Variants in CEP128 observed in about 807,000 individuals in gnomAD.
CEP128 encodes centrosomal protein 128kDa.
A neutral mutation model predicts 156.7 loss-of-function variants in CEP128; 132 were observed. That is an observed-to-expected ratio of 0.84 (90% CI 0.73 to 0.97). CEP128 has a LOEUF of 0.97. CEP128 is among the 50% of genes least tolerant of loss of function. The pLI is 0.00. For missense variants in CEP128, 1,252 were observed against 1,281.9 expected (o/e 0.98, Z 0.36); for synonymous variants, 469 against 448.9 (o/e 1.04, Z -0.57).
At chr14:80,852,218 A>T (rs1886927409) in intron 9 of CEP128, among the ~76,000 whole-genome samples, 1 of 151,994 alleles carries the variant, frequency 6.6e-6, no homozygotes. Flanking sequence ...TGGAAGTTTC[A>T]ACAACTTTCA....
At chr14:80,618,707 G>A (rs1274201637) in intron 19 of CEP128, among the ~76,000 whole-genome samples, 1 of 152,194 alleles carries the variant, frequency 6.6e-6, no homozygotes, top group African/African-American at 2.4e-5. Context: ...AATGAGACAG[G>A]ACACTGGAAC....
intron 19 of CEP128, among the ~76,000 whole-genome samples, chr14:80,638,946 C>T (rs1894301120): frequency 6.6e-6 from 1 of 152,080 alleles, no homozygotes; most frequent in African/African-American, 2.4e-5. Context: ...CTTTTTCTTT[C>T]ATTTGGTTAC....
intron 20 of CEP128, among the ~76,000 whole-genome samples, chr14:80,579,310 A>G (rs1430866771): frequency 6.6e-6 from 1 of 152,060 alleles, no homozygotes; most frequent in Non-Finnish European, 1.5e-5. Flanking sequence ...TCCTAGCCCC[A>G]GACTGGACTA....
intron 19 of CEP128, among the ~76,000 whole-genome samples, chr14:80,688,075 T>A (rs1341121670): frequency 6.6e-6 from 1 of 152,178 alleles, no homozygotes; most frequent in African/African-American, 2.4e-5. Context: ...AGTCTAAATC[T>A]CCCTTAGCTC....
intron 19 of CEP128, among the ~76,000 whole-genome samples, chr14:80,613,363 C>T (rs1338295685): frequency 7.7e-6 from 1 of 129,664 alleles, no homozygotes; most frequent in Non-Finnish European, 1.5e-5. Flanking sequence ...AGTGCAGTGG[C>T]GCGATCTCGG....
At chr14:80,699,763 G>A (rs1897010201) in intron 19 of CEP128, among the ~76,000 whole-genome samples, 1 of 152,038 alleles carries the variant, frequency 6.6e-6, no homozygotes, top group African/African-American at 2.4e-5. Context: ...GAAATTCTGT[G>A]ATTTATCTGG....
intron 23 of CEP128, among the ~76,000 whole-genome samples, chr14:80,520,721 C>T (rs1014020855): frequency 6.6e-6 from 1 of 151,898 alleles, no homozygotes; most frequent in African/African-American, 2.4e-5. Context: ...CAAGCATACT[C>T]AAAAAAATGT....
intron 19 of CEP128, among the ~76,000 whole-genome samples, chr14:80,671,754 CTGAT>C (rs1895850710): frequency 6.6e-6 from 1 of 150,868 alleles, no homozygotes; most frequent in African/African-American, 2.4e-5. Context: ...TGGAGAAAGA[CTGAT>C]TGATTACAGA....
chr14:80,692,567 T>C (rs1896755105), intron 19 of CEP128, among the ~76,000 whole-genome samples: 1 of 152,196 alleles, frequency 6.6e-6, no homozygotes, highest in Admixed American at 6.5e-5. Context: ...GCATGGAATG[T>C]CCTCCATTAT....
chr14:80,720,859 T>A (rs1045850448), intron 19 of CEP128, among the ~76,000 whole-genome samples: 10 of 152,322 alleles, frequency 6.6e-5, no homozygotes, highest in Admixed American at 5.2e-4. Context: ...AAATCTGAAC[T>A]ACGAATTTAA....
At position 80,806,314 on chromosome 14, in the gene CEP128, C is replaced by T. The variant is rs1343903209; in HGVS notation, c.1210-13204G>A. Among the ~76,000 whole-genome samples, 52 of 152,100 alleles carry T rather than the reference C, an allele frequency of 3.4e-4. 1 individual carries two copies. Among genetic ancestry groups the T allele is most frequent in the Non-Finnish European group, 1.2e-4 (8 of 68,000 alleles). On this transcript the variant is annotated intron_variant, in intron 13 of 24. Coordinates refer to ENST00000555265, the MANE Select transcript of CEP128 (RefSeq NM_152446.5). ...AAAATCATGTTCTATTAATTAAATACACTCATCTCTTTGGGAAGAAATAAA... is the reference window on the plus strand; with the variant it reads ...AAAATCATGTTCTATTAATTAAATATACTCATCTCTTTGGGAAGAAATAAA...
intron 2 of CEP128, among the ~76,000 whole-genome samples, chr14:80,925,541 T>C (rs1200696855): frequency 6.6e-6 from 1 of 152,208 alleles, no homozygotes; most frequent in Admixed American, 6.5e-5. Flanking sequence ...CCTTTGTAGC[T>C]AGTGTGATGT....
At chr14:80,693,782 A>G (rs374340842) in intron 19 of CEP128, among the ~76,000 whole-genome samples, 2 of 152,328 alleles carry the variant, frequency 1.3e-5, no homozygotes, top group African/African-American at 4.8e-5. Flanking sequence ...GTTGTCTCTT[A>G]GCTAGATCAC....
At chr14:80,823,830 G>T (rs1272940437) in intron 13 of CEP128, among the ~76,000 whole-genome samples, 3 of 152,212 alleles carry the variant, frequency 2.0e-5, no homozygotes, top group Non-Finnish European at 2.9e-5. Context: ...GCTGGGATCT[G>T]GAGGAAGTGG....
intron 19 of CEP128, among the ~76,000 whole-genome samples, chr14:80,706,448 T>G (rs1447654143): frequency 6.6e-6 from 1 of 152,120 alleles, no homozygotes; most frequent in African/African-American, 2.4e-5. Flanking sequence ...TATGTGTGTG[T>G]GTGTGTAAGT....
chr14:80,728,851 C>G (rs1423511067), intron 19 of CEP128, among the ~76,000 whole-genome samples: 1 of 152,138 alleles, frequency 6.6e-6, no homozygotes, highest in Non-Finnish European at 1.5e-5. Context: ...CATTTTCTAA[C>G]TAGATGTAAC....
chr14:80,910,516 G>T (rs559358497), intron 4 of CEP128, among the ~76,000 whole-genome samples: 1 of 152,290 alleles, frequency 6.6e-6, no homozygotes, highest in East Asian at 1.9e-4. Flanking sequence ...GCCATGTGAT[G>T]TGTGTGCTTC....
rs2234919 is a variant in CEP128, at chr14:80,955,834, C to G, written c.-172+2344G>C. The G allele has an allele frequency of 3.1e-6, 5 of 1,614,170 alleles. No individual in the cohort carries two copies. In the South Asian group the frequency reaches 5.5e-5, roughly 18 times the overall value. On this transcript the variant is annotated intron_variant, in intron 2 of 7. Transcript: ENST00000555529. Reference sequence around the variant, plus strand: ...TATTCAACGCATCCCCAGCTTACCGCCCAGTACGCAGACTCTGTGAGTACC... The same window carrying G: ...TATTCAACGCATCCCCAGCTTACCGGCCAGTACGCAGACTCTGTGAGTACC...
At chr14:80,647,011 A>ATATATATATATATATATATGTG (rs1233103116) in intron 19 of CEP128, among the ~76,000 whole-genome samples, 1 of 72,526 alleles carries the variant, frequency 1.4e-5, no homozygotes, top group Non-Finnish European at 3.2e-5. Context: ...ATATATATAT[A>ATATATATATATATATATATGTG]TGTGTGTGTA....
Sources: allele counts gnomAD v4.1 joint callset (sites outside exome capture counted in the v4.1 genomes callset), GRCh38; gene constraint gnomAD v4.1.1; transcripts MANE v1.5; gene names NCBI Gene and HGNC (gene_info 2026-07-23, HGNC 2026-07-21).